The following CRADD variants were observed in gnomAD, a reference collection of about 807,000 sequenced individuals.
CRADD encodes the protein CARD and death domain containing adaptor protein.
A neutral mutation model predicts 15.5 loss-of-function variants in CRADD; 9 were observed. The ratio of observed to expected loss-of-function variants is 0.58; its 90% CI spans 0.35 to 1.01. The LOEUF is 1.01. Among genes scored for constraint, CRADD ranks in the 50% least tolerant of loss-of-function variants. The probability of loss-of-function intolerance (pLI) is 0.02; values close to 1 mark genes in which losing one functional copy is unlikely to be tolerated. For missense variants in CRADD, 227 were observed against 250.3 expected (o/e 0.91, Z 0.63); for synonymous variants, 118 against 107.6 (o/e 1.10, Z -0.60).
intron 2 of CRADD, among the ~76,000 whole-genome samples, chr12:93,881,039 A>G: frequency 6.6e-6 from 1 of 152,220 alleles, no homozygotes; most frequent in Non-Finnish European, 1.5e-5. Context: ...GGGTCCAAGA[A>G]AGCCAACTCC....
At chr12:93,875,316 G>A (rs768853551) in intron 2 of CRADD, among the ~76,000 whole-genome samples, 5 of 151,738 alleles carry the variant, frequency 3.3e-5, no homozygotes, top group Non-Finnish European at 7.4e-5. Flanking sequence ...GTTTCTTGTA[G>A]GCAACATATT....
Position 93,677,897 on chromosome 12 carries a change from A to G in CRADD, c.-7+425A>G, listed in dbSNP as rs189571819. Reference sequence around the variant, plus strand: ...ACTGCCCGGGTGTGTCTGAAGCCCCATCTGTCATCCCTGCCTGCCTTCCCG... The same window carrying G: ...ACTGCCCGGGTGTGTCTGAAGCCCCGTCTGTCATCCCTGCCTGCCTTCCCG... On this transcript the variant is annotated intron_variant, in intron 1 of 2. Transcript: ENST00000332896. 3.3e-3 allele frequency: 509 copies of G among 152,770 alleles called. 4 individuals carry two copies. Among genetic ancestry groups the G allele is most frequent in the Middle Eastern group, 6.8e-3 (2 of 296 alleles). The allele number at this position is 152,770 out of a possible 1,614,324, so 9.5% of individuals were successfully genotyped here.
chr12:93,850,099 C>G lies in CRADD; in HGVS notation c.428C>G (p.Thr143Arg). The G allele has an allele frequency of 6.2e-7, 1 of 1,613,730 alleles. No individual in the cohort carries two copies. The highest frequency in any genetic ancestry group is 8.5e-7 in the Non-Finnish European group (1 of 1,179,648). Residue 143 changes from threonine (T) to arginine (R), a missense_variant, in exon 3 of 3, where the codon ACG (threonine) becomes AGG (arginine). Transcript: ENST00000332896. The surrounding 1 kb of genome is among the most constrained non-coding windows in gnomAD (Gnocchi z 4.0). ...PMVLSLGLSQTDIYRCKANHP... is the reference protein window; with the variant it reads ...PMVLSLGLSQRDIYRCKANHP... Reference sequence around the variant, plus strand: ...GTGCTGTCTCTGGGACTGTCCCAGACGGATATCTACCGCTGTAAGGCCAAC... The same window carrying G: ...GTGCTGTCTCTGGGACTGTCCCAGAGGGATATCTACCGCTGTAAGGCCAAC...
intron 2 of CRADD, among the ~76,000 whole-genome samples, chr12:93,864,433 C>G (rs1363727503): frequency 6.6e-6 from 1 of 152,210 alleles, no homozygotes; most frequent in Non-Finnish European, 1.5e-5. Flanking sequence ...AAGTACACCA[C>G]ATAGACTCCT....
intron 2 of CRADD, among the ~76,000 whole-genome samples, chr12:93,869,895 T>G (rs1958403615): frequency 6.6e-6 from 1 of 152,164 alleles, no homozygotes; most frequent in South Asian, 2.1e-4. Context: ...GCTGAAAATT[T>G]TCCAAATTTG....
chr12:93,802,379 T>A (rs988898121), intron 2 of CRADD, among the ~76,000 whole-genome samples: 1 of 152,214 alleles, frequency 6.6e-6, no homozygotes, highest in Non-Finnish European at 1.5e-5. Context: ...TAATTATGTC[T>A]TAGGCTGTAT....
At chr12:93,834,872 A>G (rs1272546221) in intron 2 of CRADD, among the ~76,000 whole-genome samples, 2 of 152,254 alleles carry the variant, frequency 1.3e-5, no homozygotes, top group Non-Finnish European at 2.9e-5. Context: ...ATTGAGGAAC[A>G]GATCAAGGGG....
In CRADD at chr12:93,842,813, C is replaced by T. The variant is rs1252390305; in HGVS notation, c.299-7157C>T. On this transcript the variant is annotated intron_variant, in intron 2 of 2. Transcript: ENST00000332896. ...GGCGAGAGAATAAGTTAAGTCAGGG[C>T]GGGGGTGGGGGAGAGTAGGGGGAGG... is the stretch of plus-strand genomic sequence containing the variant. Among the ~76,000 whole-genome samples the T allele has an allele frequency of 2.6e-3, 30 of 11,370 alleles. 1 individual carries two copies. The highest frequency in any genetic ancestry group is 4.2e-3 in the African/African-American group (11 of 2,610). 7.5% of individuals were successfully genotyped at this position (11,370 alleles called of 152,430 possible).
chr12:93,698,441 T>C (rs1335770282), intron 2 of CRADD, among the ~76,000 whole-genome samples: 1 of 152,224 alleles, frequency 6.6e-6, no homozygotes, highest in African/African-American at 2.4e-5. Context: ...CAAATTGTTA[T>C]CAAGGCATGC....
chr12:93,715,415 A>G (rs1956144484), intron 2 of CRADD, among the ~76,000 whole-genome samples: 1 of 152,206 alleles, frequency 6.6e-6, no homozygotes, highest in Admixed American at 6.5e-5. Flanking sequence ...TTGTAGAGGA[A>G]CCTGTTTATG....
At chr12:93,839,474 G>A (rs11107212) in intron 2 of CRADD, among the ~76,000 whole-genome samples, 4,320 of 152,200 alleles carry the variant, frequency 0.028, 88 homozygotes, top group Admixed American at 0.067. Flanking sequence ...TCTTGGGTAC[G>A]TCTAACAGAA....
intron 2 of CRADD, among the ~76,000 whole-genome samples, chr12:93,888,220 T>C (rs1237494086): frequency 6.6e-6 from 1 of 151,944 alleles, no homozygotes; most frequent in East Asian, 1.9e-4. Flanking sequence ...GGTCAGGAGA[T>C]CGAGACCATC....
intron 2 of CRADD, among the ~76,000 whole-genome samples, chr12:93,690,773 G>T (rs1365589731): frequency 8.5e-5 from 13 of 152,110 alleles, no homozygotes; most frequent in African/African-American, 3.1e-4. Flanking sequence ...AATCACTAGG[G>T]TCCTGTCTCT....
intron 2 of CRADD, among the ~76,000 whole-genome samples, chr12:93,719,395 T>C (rs1027152350): frequency 3.3e-5 from 5 of 152,208 alleles, no homozygotes; most frequent in African/African-American, 9.6e-5. Flanking sequence ...AAGAGAGACA[T>C]TGGTCCATAG....
At chr12:93,781,197 CA>C (rs986230459) in intron 2 of CRADD, among the ~76,000 whole-genome samples, 91 of 151,992 alleles carry the variant, frequency 6.0e-4, no homozygotes, top group African/African-American at 2.1e-3. Context: ...GTTTGAGCAT[CA>C]AAAGGATTGA....
At chr12:93,849,841 G>T (rs1297743559) in intron 2 of CRADD, 129 bp from the exon 3 acceptor site, 2 of 674,656 alleles carry the variant, frequency 3.0e-6, no homozygotes, top group Non-Finnish European at 5.3e-6. Flanking sequence ...CCCCCAGGAA[G>T]AAGACAAGAG....
At chr12:93,728,725 T>G (rs957739907) in intron 2 of CRADD, among the ~76,000 whole-genome samples, 2 of 152,214 alleles carry the variant, frequency 1.3e-5, no homozygotes, top group Admixed American at 1.3e-4. Flanking sequence ...GAAAAAGTTA[T>G]AGCCTTAAGC....
intron 2 of CRADD, chr12:93,714,570 C>T: frequency 6.6e-6 from 1 of 152,268 alleles, no homozygotes; most frequent in Non-Finnish European, 1.5e-5. Context: ...TATTTTAATC[C>T]TGTAACAAGA....
chr12:93,831,651 A>G (rs182946415), intron 2 of CRADD, among the ~76,000 whole-genome samples: 43 of 152,390 alleles, frequency 2.8e-4, no homozygotes, highest in African/African-American at 7.7e-4. Flanking sequence ...ACATTGTGCT[A>G]GGGGCTAGCT....
Sources: gnomAD v4.1 joint callset for allele counts (sites outside exome capture counted in the v4.1 genomes callset) on GRCh38, gnomAD v4.1.1 for gene constraint, Gnocchi (gnomAD v3.1) non-coding constraint, MANE v1.5 for transcripts, NCBI Gene and HGNC (gene_info 2026-07-23, HGNC 2026-07-21) for gene names.